Variants in ADGRL2 observed in about 807,000 individuals in gnomAD.
ADGRL2 encodes the protein calcium-independent alpha-latrotoxin receptor 2.
A neutral mutation model predicts 157.4 loss-of-function variants in ADGRL2; 44 were observed. That is an observed-to-expected ratio of 0.28 (90% CI 0.22 to 0.36). The LOEUF is 0.36. ADGRL2 is among the 10% of genes least tolerant of loss of function. The pLI is 1.00. For synonymous variants in ADGRL2, 585 were observed against 624.7 expected, an observed-to-expected ratio of 0.94 and a Z score of 0.95; for missense variants, 1,510 against 1,768.9, an observed-to-expected ratio of 0.85 and a Z score of 2.63.
At chr1:81,386,837 A>G (rs1307783571) in intron 1 of ADGRL2, among the ~76,000 whole-genome samples, 1 of 152,130 alleles carries the variant, frequency 6.6e-6, no homozygotes, top group East Asian at 1.9e-4. Context: ...GTATTAACAT[A>G]TGCTGTACCA....
chr1:81,922,523 T>C (rs569186630), intron 3 of ADGRL2, among the ~76,000 whole-genome samples: 1 of 152,260 alleles, frequency 6.6e-6, no homozygotes, highest in South Asian at 2.1e-4. Flanking sequence ...AGTAAGGAGT[T>C]CAATCTTTTT....
chr1:81,646,617 C>T (rs944902475), intron 3 of ADGRL2, among the ~76,000 whole-genome samples: 4 of 152,106 alleles, frequency 2.6e-5, no homozygotes, highest in African/African-American at 4.8e-5. Context: ...TAGTGAGGCA[C>T]GGTTGTACAT....
chr1:81,823,872 A>G (rs1007530668), intron 1 of ADGRL2, among the ~76,000 whole-genome samples: 11 of 152,196 alleles, frequency 7.2e-5, no homozygotes, highest in Non-Finnish European at 1.3e-4. Context: ...AATATTTAAA[A>G]AAGAAAACCA....
intron 2 of ADGRL2, among the ~76,000 whole-genome samples, chr1:81,512,109 G>T (rs2079090686): frequency 6.6e-6 from 1 of 152,064 alleles, no homozygotes; most frequent in South Asian, 2.1e-4. Flanking sequence ...GAGCCTGTAG[G>T]CTGCTATGCA....
chr1:81,859,013 G>A (rs1160963454), intron 2 of ADGRL2, among the ~76,000 whole-genome samples: 2 of 152,082 alleles, frequency 1.3e-5, no homozygotes, highest in African/African-American at 4.8e-5. Flanking sequence ...ATACCTCTAT[G>A]AAATTAATTG....
At chr1:81,581,347 G>A (rs2080902510) in intron 3 of ADGRL2, among the ~76,000 whole-genome samples, 1 of 152,142 alleles carries the variant, frequency 6.6e-6, no homozygotes, top group Non-Finnish European at 1.5e-5. Context: ...AATTTTTCAA[G>A]ATTGGAATAT....
intron 1 of ADGRL2, among the ~76,000 whole-genome samples, chr1:81,346,729 G>T (rs895846739): frequency 6.6e-6 from 1 of 152,164 alleles, no homozygotes; most frequent in South Asian, 2.1e-4. Flanking sequence ...GAAGCAACTA[G>T]CACCTTGATC....
At chr1:81,709,051 G>C (rs1372041433) in intron 1 of ADGRL2, among the ~76,000 whole-genome samples, 1 of 151,968 alleles carries the variant, frequency 6.6e-6, no homozygotes, top group Non-Finnish European at 1.5e-5. Context: ...ATAGTTCATC[G>C]AATCTAAGAT....
At chr1:81,887,515 C>G (rs1338499355) in intron 2 of ADGRL2, among the ~76,000 whole-genome samples, 1 of 152,066 alleles carries the variant, frequency 6.6e-6, no homozygotes, top group Non-Finnish European at 1.5e-5. Context: ...ATTATATGTT[C>G]ATATCTTAAG....
chr1:81,870,640 A>AT (rs1275231465), intron 2 of ADGRL2, among the ~76,000 whole-genome samples: 1 of 152,066 alleles, frequency 6.6e-6, no homozygotes, highest in East Asian at 1.9e-4. Flanking sequence ...AAATGAAATT[A>AT]TTTTTTGCAG....
chr1:81,380,285 T>C (rs1379996007), intron 1 of ADGRL2, among the ~76,000 whole-genome samples: 1 of 152,244 alleles, frequency 6.6e-6, no homozygotes, highest in Non-Finnish European at 1.5e-5. Flanking sequence ...ACTTTTAATG[T>C]GTGTGGGCTT....
intron 1 of ADGRL2, among the ~76,000 whole-genome samples, chr1:81,815,069 A>T (rs1311988480): frequency 6.6e-6 from 1 of 151,800 alleles, no homozygotes; most frequent in Non-Finnish European, 1.5e-5. Flanking sequence ...TAGGAATATG[A>T]TTGCTAAAAC....
chr1:81,953,146 C>G, intron 10 of ADGRL2, 121 bp downstream of exon 10: 2 of 766,342 alleles, frequency 2.6e-6, no homozygotes, highest in Admixed American at 4.4e-5. Context: ...TGCCCCATAT[C>G]AGCTGTACAA....
chr1:81,478,193 A>G (rs2078312605), intron 2 of ADGRL2, among the ~76,000 whole-genome samples: 1 of 152,288 alleles, frequency 6.6e-6, no homozygotes, highest in Admixed American at 6.5e-5. Context: ...AGGAGGAGTC[A>G]TTATCTCCAA....
chr1:81,672,855 C>T (rs2082903823), intron 3 of ADGRL2, among the ~76,000 whole-genome samples: 1 of 152,174 alleles, frequency 6.6e-6, no homozygotes, highest in African/African-American at 2.4e-5. Context: ...ACTGAAACAG[C>T]AGTTTTCTTA....
chr1:81,802,782 A>T (rs2088458039), intron 1 of ADGRL2, among the ~76,000 whole-genome samples: 1 of 151,962 alleles, frequency 6.6e-6, no homozygotes, highest in Admixed American at 6.5e-5. Flanking sequence ...GTTCGGGGGA[A>T]GTGGACGGTG....
chr1:81,834,626 G>A (rs1557736977), intron 1 of ADGRL2, among the ~76,000 whole-genome samples: 1 of 152,118 alleles, frequency 6.6e-6, no homozygotes, highest in Non-Finnish European at 1.5e-5. Flanking sequence ...TAAAGCTTGA[G>A]GTTTTGGAAA....
At chr1:81,830,148 G>C (rs1026473264) in intron 1 of ADGRL2, among the ~76,000 whole-genome samples, 1 of 152,080 alleles carries the variant, frequency 6.6e-6, no homozygotes, top group Non-Finnish European at 1.5e-5. Flanking sequence ...ATTTCTTGAA[G>C]GTGGCAGCTA....
intron 2 of ADGRL2, among the ~76,000 whole-genome samples, chr1:81,848,245 G>A (rs2150437868): frequency 6.6e-6 from 1 of 151,960 alleles, no homozygotes; most frequent in South Asian, 2.1e-4. Context: ...TCAAAAGTAA[G>A]TTAGTAGCAA....
Sources: gnomAD v4.1 joint callset for allele counts (sites outside exome capture counted in the v4.1 genomes callset) on GRCh38, gnomAD v4.1.1 for gene constraint, MANE v1.5 for transcripts, NCBI Gene and HGNC (gene_info 2026-07-23, HGNC 2026-07-21) for gene names.